Variants in LMOD1 observed in about 807,000 individuals in gnomAD.
LMOD1 encodes leiomodin-1.
A neutral mutation model predicts 36.5 loss-of-function variants in LMOD1; 8 were observed. That is an observed-to-expected ratio of 0.22 (90% CI 0.13 to 0.40). LMOD1 has a LOEUF of 0.40. Among genes scored for constraint, LMOD1 ranks in the 10% least tolerant of loss-of-function variants. LMOD1 has a pLI of 1.00. For synonymous variants in LMOD1, 284 were observed against 288.7 expected, an observed-to-expected ratio of 0.98 and a Z score of 0.17; for missense variants, 630 against 751.1, an observed-to-expected ratio of 0.84 and a Z score of 1.88.
In LMOD1 at chr1:201,899,406, G is replaced by A; in HGVS notation, c.1607C>T (p.Pro536Leu). 1 of 1,613,112 alleles carries A rather than the reference G, an allele frequency of 6.2e-7. No individual in the cohort carries two copies. The highest frequency in any genetic ancestry group is 8.5e-7 in the Non-Finnish European group (1 of 1,179,298). ...GGGTGGAGCCAAGGGAGGGGGAGGG[G>A]GTGGTGGGGCAGCTGGAGCACCCCC... ...KKGGAPAAPPPPPPPLAPPLI... is the reference protein window; with the variant it reads ...KKGGAPAAPPLPPPPLAPPLI... Residue 536 changes from proline to leucine, a missense_variant, in exon 2 of 3, where the codon CCC becomes CTC. Pro to Leu is a moderately conservative substitution (Grantham distance 98). Coordinates refer to ENST00000367288, the MANE Select transcript of LMOD1 (RefSeq NM_012134.3). This position sits in a 1 kb window ranked among gnomAD's most constrained non-coding sequence, Gnocchi z 6.3.
intron 1 of LMOD1, among the ~76,000 whole-genome samples, chr1:201,924,692 A>G (rs527405921): frequency 2.5e-5 from 3 of 120,318 alleles, no homozygotes; most frequent in Admixed American, 1.8e-4. Flanking sequence ...AAAGAAAGAA[A>G]GAAAGAAAGA....
chr1:201,899,391 A>G lies in LMOD1; in HGVS notation c.1622T>C (p.Leu541Ser), dbSNP rs765072175. Residue 541 changes from leucine (L) to serine (S), a missense_variant, in exon 2 of 3, where the codon TTG (leucine) becomes TCG (serine). Physicochemically the swap from Leu to Ser is moderately radical, Grantham distance 145 (BLOSUM62 -2). Coordinates refer to ENST00000367288, the MANE Select transcript of LMOD1 (RefSeq NM_012134.3). The surrounding 1 kb of genome is among the most constrained non-coding windows in gnomAD (Gnocchi z 6.3). ...GTTCTCCATGATAAGGGGTGGAGCC[A>G]AGGGAGGGGGAGGGGGTGGTGGGGC... ...PAAPPPPPPPLAPPLIMENLK... is the reference protein window; with the variant it reads ...PAAPPPPPPPSAPPLIMENLK... The G allele has an allele frequency of 4.0e-6, 6 of 1,488,622 alleles. No homozygotes were observed. In the East Asian group the frequency reaches 1.4e-4, roughly 34 times the overall value. 92.2% of individuals were successfully genotyped at this position (1,488,622 alleles called of 1,614,324 possible). A position where few individuals can be genotyped will look rare whatever the true frequency, so the allele number is the denominator to read the frequency against.
At chr1:201,900,872 G>T in intron 1 of LMOD1, 121 bp from the exon 2 acceptor site, 1 of 857,466 alleles carries the variant, frequency 1.2e-6, no homozygotes, top group Non-Finnish European at 1.8e-6. Flanking sequence ...GGACAGTTGT[G>T]CTGTTTGGGA....
intron 1 of LMOD1, among the ~76,000 whole-genome samples, chr1:201,922,969 T>C (rs964471384): frequency 6.6e-6 from 1 of 152,006 alleles, no homozygotes; most frequent in African/African-American, 2.4e-5. Context: ...GGATTACAGG[T>C]GCGCACCACC....
chr1:201,906,243 A>C (rs1171836486), intron 1 of LMOD1, among the ~76,000 whole-genome samples: 29 of 152,164 alleles, frequency 1.9e-4, no homozygotes, highest in Admixed American at 1.9e-3. Flanking sequence ...CCTTGACCAA[A>C]GTTATATTTA....
rs751288527 is a variant in LMOD1 at position 201,946,382 on chromosome 1, C to T, written c.-42G>A. The T allele has an allele frequency of 4.4e-6, 7 of 1,599,878 alleles. No homozygotes were observed. In the South Asian group the frequency reaches 6.8e-5, roughly 15 times the overall value. On this transcript the variant is annotated 5_prime_UTR_variant, in exon 1 of 3. Coordinates refer to ENST00000367288, the MANE Select transcript of LMOD1 (RefSeq NM_012134.3). ...GTGGCTGCCAGGGGCTATCAGAGTCCTGGTGGGCAGGGAAGGGAGAGGGGT... is the reference window on the plus strand; with the variant it reads ...GTGGCTGCCAGGGGCTATCAGAGTCTTGGTGGGCAGGGAAGGGAGAGGGGT...
At chr1:201,919,504 C>T (rs1210963931) in intron 1 of LMOD1, among the ~76,000 whole-genome samples, 1 of 152,096 alleles carries the variant, frequency 6.6e-6, no homozygotes, top group Non-Finnish European at 1.5e-5. Context: ...ACGCCTGGCC[C>T]CTTTTCTTCT....
At chr1:201,931,065 C>T (rs551222782) in intron 1 of LMOD1, among the ~76,000 whole-genome samples, 18 of 151,688 alleles carry the variant, frequency 1.2e-4, no homozygotes, top group East Asian at 1.2e-3. Context: ...TTAGCTAAGA[C>T]GGAAAGGAGA....
intron 1 of LMOD1, among the ~76,000 whole-genome samples, chr1:201,937,027 A>G (rs1041705767): frequency 6.6e-6 from 1 of 152,218 alleles, no homozygotes; most frequent in Non-Finnish European, 1.5e-5. Flanking sequence ...TTGATATGTC[A>G]TATACTCTTC....
intron 1 of LMOD1, among the ~76,000 whole-genome samples, chr1:201,901,747 C>T (rs946435447): frequency 2.8e-5 from 4 of 141,766 alleles, no homozygotes; most frequent in African/African-American, 1.1e-4. Context: ...TTTTGGCATC[C>T]GCTTATATTC....
intron 1 of LMOD1, among the ~76,000 whole-genome samples, chr1:201,930,204 C>T (rs147005245): frequency 3.2e-4 from 48 of 152,248 alleles, no homozygotes; most frequent in African/African-American, 1.1e-3. Flanking sequence ...TGAATTTGAT[C>T]ACGGAAGCTA....
intron 1 of LMOD1, 105 bp downstream of exon 1, chr1:201,945,975 C>T (rs1195723997): frequency 3.4e-6 from 4 of 1,171,718 alleles, no homozygotes; most frequent in Non-Finnish European, 4.9e-6. Flanking sequence ...AAATCCTTTG[C>T]CAACAAGAAC....
At chr1:201,938,408 C>T (rs1040407743) in intron 1 of LMOD1, among the ~76,000 whole-genome samples, 1 of 152,208 alleles carries the variant, frequency 6.6e-6, no homozygotes, top group Non-Finnish European at 1.5e-5. Context: ...GGATTACAGG[C>T]ATGAGACACC....
Position 201,897,172 on chromosome 1 carries a change from G to GTTTT in LMOD1, c.*1199_*1200insAAAA. 4.4e-6 allele frequency: 1 copy of GTTTT among 227,628 alleles called. No homozygotes were observed. The highest frequency in any genetic ancestry group is 6.2e-5 in the South Asian group (1 of 16,178). 14.1% of individuals were successfully genotyped at this position (227,628 alleles called of 1,614,324 possible). On this transcript the variant is annotated 3_prime_UTR_variant, in exon 3 of 3. Coordinates refer to ENST00000367288, the MANE Select transcript of LMOD1 (RefSeq NM_012134.3). ...AGATGAGGCCCCTCTGAGCCCTAGG[G>GTTTT]CACACAGATATGGGTGCTATTCTCC...
chr1:201,923,572 T>G (rs1284578494), intron 1 of LMOD1, among the ~76,000 whole-genome samples: 1 of 151,948 alleles, frequency 6.6e-6, no homozygotes, highest in Admixed American at 6.6e-5. Flanking sequence ...AAAAATTGTT[T>G]TTAATTGTAG....
chr1:201,904,039 C>T (rs550692496), intron 1 of LMOD1, among the ~76,000 whole-genome samples: 5 of 152,320 alleles, frequency 3.3e-5, no homozygotes, highest in East Asian at 1.9e-4. Context: ...CAGCTCCTCT[C>T]GGCCCACCCA....
Position 201,925,358 on chromosome 1 carries a change from T to C in LMOD1, c.261+20722A>G, listed in dbSNP as rs565765229. 4.6e-5 allele frequency among the ~76,000 whole-genome samples: 7 copies of C among 152,320 alleles called. No homozygotes were observed. In the South Asian group the frequency reaches 1.5e-3, roughly 32 times the overall value. On this transcript the variant is annotated intron_variant, in intron 1 of 2. Transcript: ENST00000367288. ...GAAGCAAGGATCAAAAGAGATAACG[T>C]ATGTGGAAGCCCATAAATCTTCAGA... is the stretch of plus-strand genomic sequence containing the variant.
rs529414491 is a variant in LMOD1, at chr1:201,929,035, T to C, written c.261+17045A>G. ...ACCCGGCCTGCAAAAATATAATTAA[T>C]ATTTTCTTTAGGGTCTATCTGTGGC... On this transcript the variant is annotated intron_variant, in intron 1 of 2. Coordinates refer to ENST00000367288, the MANE Select transcript of LMOD1 (RefSeq NM_012134.3). Among the ~76,000 whole-genome samples, 10 of 151,090 alleles carry C rather than the reference T, an allele frequency of 6.6e-5. No individual in the cohort carries two copies. In the East Asian group the frequency reaches 1.8e-3, roughly 27 times the overall value.
At position 201,900,207 on chromosome 1, in the gene LMOD1, T is replaced by A; in HGVS notation, c.806A>T (p.Glu269Val). 1.2e-6 allele frequency: 2 copies of A among 1,614,000 alleles called. No individual in the cohort carries two copies. Among genetic ancestry groups the A allele is most frequent in the Non-Finnish European group, 1.7e-6 (2 of 1,179,886 alleles). ...TGNTDTKKDD[E>V]KVKKNEPLHE... Reference sequence around the variant, plus strand: ...TAAGGGTTCATTCTTCTTGACTTTTTCATCGTCCTTTTTGGTGTCTGTGTT... The same window carrying A: ...TAAGGGTTCATTCTTCTTGACTTTTACATCGTCCTTTTTGGTGTCTGTGTT... The change falls in exon 2 of 3, where the codon GAA becomes GTA. Residue 269 changes from glutamate to valine, a missense_variant. Physicochemically the swap from Glu to Val is moderately radical, Grantham distance 121 (BLOSUM62 -2). Around this residue, in one of 3 missense-constraint regions of LMOD1, gnomAD observed 405 missense variants for 400.6 expected, o/e 1.01. Coordinates refer to ENST00000367288, the MANE Select transcript of LMOD1 (RefSeq NM_012134.3).
Sources: allele counts gnomAD v4.1 joint callset (sites outside exome capture counted in the v4.1 genomes callset), GRCh38; gene constraint gnomAD v4.1.1; regional missense constraint gnomAD v4.1.1; non-coding constraint Gnocchi (gnomAD v3.1); transcripts MANE v1.5; gene names NCBI Gene and HGNC (gene_info 2026-07-23, HGNC 2026-07-21).